The following SGCZ variants were observed in gnomAD, a reference collection of about 807,000 sequenced individuals.
SGCZ encodes the protein sarcoglycan zeta.
A neutral mutation model predicts 41.3 loss-of-function variants in SGCZ; 40 were observed. The ratio of observed to expected loss-of-function variants is 0.97; its 90% CI spans 0.75 to 1.26. The LOEUF is 1.26. Among genes scored for constraint, SGCZ ranks in the 50% most tolerant of loss-of-function variants. The pLI is 0.00. For synonymous variants in SGCZ, 206 were observed against 137.5 expected (o/e 1.50, Z -3.49); for missense variants, 552 against 369.8 (o/e 1.49, Z -4.04).
At chr8:14,280,886 G>C (rs1800406624) in intron 3 of SGCZ, among the ~76,000 whole-genome samples, 1 of 151,594 alleles carries the variant, frequency 6.6e-6, no homozygotes, top group African/African-American at 2.4e-5. Flanking sequence ...GAAAACAAGA[G>C]AGAGGGAGAA....
intron 4 of SGCZ, among the ~76,000 whole-genome samples, chr8:14,225,495 T>C (rs1282100191): frequency 6.6e-6 from 1 of 152,114 alleles, no homozygotes; most frequent in Non-Finnish European, 1.5e-5. Context: ...AAGATTAATG[T>C]TGAATTAGAA....
chr8:14,814,673 G>C (rs982532679), intron 1 of SGCZ, among the ~76,000 whole-genome samples: 2 of 152,126 alleles, frequency 1.3e-5, no homozygotes, highest in African/African-American at 2.4e-5. Context: ...TTGCCAGCTC[G>C]GCAGGTAGGA....
chr8:14,220,786 AAAAC>A (rs78591142), intron 4 of SGCZ, among the ~76,000 whole-genome samples: 28,028 of 150,770 alleles, frequency 0.19, 3,484 homozygotes, highest in Non-Finnish European at 0.27. Context: ...TACTCTGCCA[AAAAC>A]AAACAAACAA....
chr8:15,089,619 A>G (rs749781882), intron 1 of SGCZ, among the ~76,000 whole-genome samples: 7 of 152,172 alleles, frequency 4.6e-5, no homozygotes, highest in Non-Finnish European at 8.8e-5. Context: ...GCCATTCACA[A>G]ACTTGGTACT....
chr8:14,860,645 A>T (rs1360200857), intron 1 of SGCZ, among the ~76,000 whole-genome samples: 1 of 151,560 alleles, frequency 6.6e-6, no homozygotes, highest in Non-Finnish European at 1.5e-5. Flanking sequence ...GAGAAAGAAA[A>T]GACAGAAAAA....
intron 3 of SGCZ, among the ~76,000 whole-genome samples, chr8:14,265,016 C>T (rs912135257): frequency 3.9e-5 from 6 of 152,076 alleles, no homozygotes; most frequent in Non-Finnish European, 8.8e-5. Context: ...CGCCAGATGG[C>T]AAACACTAAA....
At chr8:14,375,397 G>A (rs112750508) in intron 2 of SGCZ, among the ~76,000 whole-genome samples, 8 of 152,030 alleles carry the variant, frequency 5.3e-5, no homozygotes, top group African/African-American at 1.5e-4. Flanking sequence ...AATAAAGAAG[G>A]CCTAAATCCC....
rs543349604 is a variant in SGCZ, at chr8:14,675,272, G to A, written c.40-120346C>T. Among the ~76,000 whole-genome samples, 14 of 151,878 alleles carry A rather than the reference G, an allele frequency of 9.2e-5. No homozygotes were observed. In the South Asian group the frequency reaches 2.7e-3, roughly 29 times the overall value. ...TTTTCTTATAAATTACCCAGTCTCA[G>A]GTATTTATTTTTAGCAATGCAAGAA... On this transcript the variant is annotated intron_variant, in intron 1 of 7. Transcript: ENST00000382080.
At chr8:14,589,585 G>T (rs11203633) in intron 1 of SGCZ, among the ~76,000 whole-genome samples, 85,140 of 151,838 alleles carry the variant, frequency 0.56, 24,098 homozygotes, top group Non-Finnish European at 0.61. Flanking sequence ...AACTTTAGAT[G>T]TCTTATTTTT....
At chr8:15,193,403 T>G (rs1800605196) in intron 1 of SGCZ, among the ~76,000 whole-genome samples, 1 of 152,132 alleles carries the variant, frequency 6.6e-6, no homozygotes, top group Non-Finnish European at 1.5e-5. Context: ...TTTATTTTAA[T>G]ATCCTTTGAG....
At chr8:14,312,901 C>T (rs887092353) in intron 3 of SGCZ, among the ~76,000 whole-genome samples, 3 of 152,092 alleles carry the variant, frequency 2.0e-5, no homozygotes, top group African/African-American at 7.2e-5. Flanking sequence ...AAGAATGTTT[C>T]CCAGAACAGG....
chr8:14,909,797 T>A (rs1444854278), intron 1 of SGCZ, among the ~76,000 whole-genome samples: 1 of 152,130 alleles, frequency 6.6e-6, no homozygotes. Context: ...GGTTTGTCCA[T>A]CTACTAGTTA....
At chr8:14,115,799 G>A (rs1431352107) in intron 5 of SGCZ, among the ~76,000 whole-genome samples, 1 of 151,728 alleles carries the variant, frequency 6.6e-6, no homozygotes. Flanking sequence ...TTTCTTTGGG[G>A]GGTGGGGGTG....
intron 1 of SGCZ, among the ~76,000 whole-genome samples, chr8:14,709,318 C>A (rs957607): frequency 6.6e-6 from 1 of 152,098 alleles, no homozygotes; most frequent in African/African-American, 2.4e-5. Context: ...ATCCCTCCAA[C>A]CCAGAGAAAG....
intron 2 of SGCZ, among the ~76,000 whole-genome samples, chr8:14,469,377 T>A (rs1801145326): frequency 6.6e-6 from 1 of 151,988 alleles, no homozygotes; most frequent in African/African-American, 2.4e-5. Flanking sequence ...CTACTTGTTG[T>A]CTCAAATCCA....
At chr8:14,975,974 G>A (rs13260961) in intron 1 of SGCZ, among the ~76,000 whole-genome samples, 53,660 of 144,100 alleles carry the variant, frequency 0.37, 10,657 homozygotes, top group Non-Finnish European at 0.43. Flanking sequence ...GTGTGTGCGT[G>A]TGTGTATGTG....
At chr8:14,557,171 T>C (rs981557732) in intron 1 of SGCZ, among the ~76,000 whole-genome samples, 4 of 152,104 alleles carry the variant, frequency 2.6e-5, no homozygotes, top group African/African-American at 9.7e-5. Flanking sequence ...TATATGCATT[T>C]CCATGATCAT....
chr8:14,197,939 T>C (rs903102662), intron 4 of SGCZ, among the ~76,000 whole-genome samples: 1 of 152,190 alleles, frequency 6.6e-6, no homozygotes, highest in Non-Finnish European at 1.5e-5. Flanking sequence ...AAAAGAATGT[T>C]ATTTTAGCAA....
At chr8:14,952,171 C>T (rs778309292) in intron 1 of SGCZ, among the ~76,000 whole-genome samples, 3 of 151,976 alleles carry the variant, frequency 2.0e-5, no homozygotes, top group South Asian at 4.2e-4. Context: ...TTCATAAATC[C>T]GAGTTACTCC....
Sources: gnomAD v4.1 joint callset for allele counts (sites outside exome capture counted in the v4.1 genomes callset) on GRCh38, gnomAD v4.1.1 for gene constraint, MANE v1.5 for transcripts, NCBI Gene and HGNC (gene_info 2026-07-23, HGNC 2026-07-21) for gene names.